Variants in PARP8 observed in about 807,000 individuals in gnomAD.
PARP8 encodes the protein protein mono-ADP-ribosyltransferase PARP8.
PARP8 carries 51 observed loss-of-function variants against 124.1 expected under a neutral mutation model. The ratio of observed to expected loss-of-function variants is 0.41; its 90% confidence interval spans 0.33 to 0.52. PARP8 has a LOEUF of 0.52. Among genes scored for constraint, PARP8 ranks in the 20% least tolerant of loss-of-function variants. The probability of loss-of-function intolerance (pLI) is 0.21; values close to 1 mark genes in which losing one functional copy is unlikely to be tolerated. For synonymous variants in PARP8, 391 were observed against 361.5 expected (o/e 1.08, Z -0.93); for missense variants, 860 against 1,018.9 (o/e 0.84, Z 2.12).
intron 16 of PARP8, 107 bp from the exon 17 acceptor site, chr5:50,822,228 C>A: frequency 2.5e-6 from 2 of 796,262 alleles, no homozygotes; most frequent in East Asian, 2.5e-5. Flanking sequence ...AAATTGACCC[C>A]AGTGGAAAAT....
chr5:50,768,033 G>GTC (rs1249768581), intron 7 of PARP8, among the ~76,000 whole-genome samples: 7 of 151,978 alleles, frequency 4.6e-5, no homozygotes, highest in Non-Finnish European at 1.0e-4. Context: ...GTGTGTGTGT[G>GTC]TTCCCTGACA....
Position 50,797,051 on chromosome 5 carries a change from TC to T in PARP8, c.1479+21del. 6.2e-7 allele frequency: 1 copy of T among 1,612,540 alleles called. No individual in the cohort carries two copies. The highest frequency in any genetic ancestry group is 8.5e-7 in the Non-Finnish European group (1 of 1,178,958). On this transcript the variant is annotated intron_variant, in intron 13 of 25. Transcript: ENST00000281631. ...GGTGCAGGTATGAGCCAAAACTCTA[TC>T]CATTGTACAAATATTTTAGTTCTTA... is the stretch of plus-strand genomic sequence containing the variant.
chr5:50,812,195 T>G (rs1744535354), intron 14 of PARP8, among the ~76,000 whole-genome samples: 1 of 152,142 alleles, frequency 6.6e-6, no homozygotes, highest in South Asian at 2.1e-4. Flanking sequence ...TTAAACTAGT[T>G]TACACTCCCA....
Position 50,667,115 on chromosome 5 carries a change from A to C in PARP8, c.20A>C (p.Gln7Pro). ...TATTTAATGGGGATGTGTTCAAGGC[A>C]AGAGCGAATTCAGAAGGATATCGAC... MGMCSRQERIQKDIDVV... is the reference protein window; with the variant it reads MGMCSRPERIQKDIDVV... Residue 7 changes from glutamine (Q) to proline (P), a missense_variant, in exon 1 of 26, where the codon CAA becomes CCA. Physicochemically the swap from Gln to Pro is moderately conservative, Grantham distance 76. This residue lies in a region of PARP8 where 517 missense variants were observed against 544.2 expected (regional missense o/e 0.95). Coordinates refer to ENST00000281631, the MANE Select transcript of PARP8 (RefSeq NM_024615.4). 6.3e-7 allele frequency: 1 copy of C among 1,596,340 alleles called. No homozygotes were observed. Among genetic ancestry groups the C allele is most frequent in the Non-Finnish European group, 8.5e-7 (1 of 1,179,746 alleles).
At chr5:50,709,326 TTC>T in intron 2 of PARP8, among the ~76,000 whole-genome samples, 1 of 152,202 alleles carries the variant, frequency 6.6e-6, no homozygotes, top group South Asian at 2.1e-4. Context: ...TCTTTTTAAA[TTC>T]TTTCATTTTT....
intron 22 of PARP8, among the ~76,000 whole-genome samples, chr5:50,830,861 C>T (rs768271561): frequency 2.6e-5 from 4 of 151,466 alleles, no homozygotes; most frequent in Middle Eastern, 3.4e-3. Flanking sequence ...TATGTGATCA[C>T]GTTACACGTT....
intron 2 of PARP8, among the ~76,000 whole-genome samples, chr5:50,696,550 C>G (rs1474343677): frequency 6.6e-6 from 1 of 152,156 alleles, no homozygotes; most frequent in Non-Finnish European, 1.5e-5. Flanking sequence ...TTGCTCTTTC[C>G]CTCTGCAACA....
In PARP8 at chr5:50,715,194, C is replaced by T. The variant is rs76244348; in HGVS notation, c.147-34957C>T. The stretch of plus-strand genomic sequence containing the variant: ...GTAACGTAAATTCACCCAACATGAC[C>T]GCAGTGCAAAAGCGTCTCACATGGT... On this transcript the variant is annotated intron_variant, in intron 2 of 25. Coordinates refer to ENST00000281631, the MANE Select transcript of PARP8 (RefSeq NM_024615.4). Among the ~76,000 whole-genome samples, 72 of 152,068 alleles carry T rather than the reference C, an allele frequency of 4.7e-4. No homozygotes were observed. In the East Asian group the frequency reaches 0.014, roughly 29 times the overall value.
At chr5:50,698,323 G>T (rs1390840261) in intron 2 of PARP8, among the ~76,000 whole-genome samples, 1 of 152,188 alleles carries the variant, frequency 6.6e-6, no homozygotes, top group Non-Finnish European at 1.5e-5. Flanking sequence ...TGTACTTGAA[G>T]TGTTCATGTT....
At chr5:50,711,934 A>G (rs1172139546) in intron 2 of PARP8, among the ~76,000 whole-genome samples, 8 of 152,118 alleles carry the variant, frequency 5.3e-5, no homozygotes, top group African/African-American at 1.9e-4. Flanking sequence ...ATCTAGCATT[A>G]CTGTGATAAT....
intron 2 of PARP8, among the ~76,000 whole-genome samples, chr5:50,724,987 A>T (rs1390389238): frequency 6.6e-6 from 1 of 152,012 alleles, no homozygotes; most frequent in Non-Finnish European, 1.5e-5. Flanking sequence ...TTCACTTAGA[A>T]TATGGCCTCC....
At chr5:50,745,020 C>G (rs552150084) in intron 2 of PARP8, 81 of 389,182 alleles carry the variant, frequency 2.1e-4, no homozygotes, top group Non-Finnish European at 3.2e-4. Context: ...TAGATTGTTT[C>G]CCTTAGAACT....
At chr5:50,673,381 C>T (rs1750258616) in intron 2 of PARP8, among the ~76,000 whole-genome samples, 2 of 152,048 alleles carry the variant, frequency 1.3e-5, no homozygotes, top group Admixed American at 1.3e-4. Flanking sequence ...AATTTAAACT[C>T]CATTTTCTTC....
intron 14 of PARP8, among the ~76,000 whole-genome samples, chr5:50,813,690 T>G (rs1213756723): frequency 2.0e-5 from 3 of 152,168 alleles, no homozygotes; most frequent in African/African-American, 4.8e-5. Flanking sequence ...AGGGAATGCT[T>G]CCAGTTTTTG....
chr5:50,761,352 A>G (rs1269249553), intron 5 of PARP8, among the ~76,000 whole-genome samples: 2 of 152,074 alleles, frequency 1.3e-5, no homozygotes, highest in Non-Finnish European at 2.9e-5. Flanking sequence ...AAGTTCTCAT[A>G]TGTTTCATAT....
chr5:50,724,909 G>A (rs1041979403), intron 2 of PARP8, among the ~76,000 whole-genome samples: 33 of 151,828 alleles, frequency 2.2e-4, no homozygotes, highest in African/African-American at 5.1e-4. Context: ...TTGCCTTTGC[G>A]TACTCGTAGC....
At chr5:50,704,112 A>G (rs1471090004) in intron 2 of PARP8, among the ~76,000 whole-genome samples, 1 of 152,042 alleles carries the variant, frequency 6.6e-6, no homozygotes, top group African/African-American at 2.4e-5. Context: ...GAAATTGTCC[A>G]GCTTGTGCAC....
At chr5:50,709,955 T>TATATACAC (rs149858890) in intron 2 of PARP8, among the ~76,000 whole-genome samples, 8,635 of 102,066 alleles carry the variant, frequency 0.085, 491 homozygotes, top group Middle Eastern at 0.15. Context: ...TATATATATA[T>TATATACAC]ACACATACAT....
chr5:50,832,879 C>G lies in PARP8; in HGVS notation c.2307+25C>G, dbSNP rs200081563. The G allele has an allele frequency of 4.4e-5, 71 of 1,605,222 alleles. 1 individual carries two copies. In the African/African-American group the frequency reaches 8.8e-4, roughly 20 times the overall value. ...GGTGTTGTAGTGACTTTAGTGACTG[C>G]TTATGATTAGTGAACTGTGGCCTCA... is the stretch of plus-strand genomic sequence containing the variant. On this transcript the variant is annotated intron_variant, in intron 23 of 25. Coordinates refer to ENST00000281631, the MANE Select transcript of PARP8 (RefSeq NM_024615.4).
Sources: allele counts gnomAD v4.1 joint callset (sites outside exome capture counted in the v4.1 genomes callset), GRCh38; gene constraint gnomAD v4.1.1; regional missense constraint gnomAD v4.1.1; transcripts MANE v1.5; gene names NCBI Gene and HGNC (gene_info 2026-07-23, HGNC 2026-07-21).